The following LRCOL1 variants were observed in gnomAD, a reference collection of about 807,000 sequenced individuals.
The protein encoded by LRCOL1 is leucine rich colipase like 1.
A neutral mutation model predicts 21.6 loss-of-function variants in LRCOL1; 21 were observed. The observed-to-expected ratio is 0.97, with a 90% CI of 0.69 to 1.40. LRCOL1 has a LOEUF of 1.40. Among genes scored for constraint, LRCOL1 ranks in the 40% most tolerant of loss-of-function variants. The probability of loss-of-function intolerance (pLI) is 0.00; values close to 1 mark genes in which losing one functional copy is unlikely to be tolerated. For synonymous variants in LRCOL1, 98 were observed against 90.1 expected, an observed-to-expected ratio of 1.09 and a Z score of -0.49; for missense variants, 198 against 202.3, an observed-to-expected ratio of 0.98 and a Z score of 0.13.
intron 5 of LRCOL1, chr12:132,603,607 G>A (rs944061613): frequency 4.1e-6 from 4 of 984,326 alleles, no homozygotes; most frequent in Non-Finnish European, 4.8e-6. Context: ...TGCTCCCAGC[G>A]CCCACGAGGG....
chr12:132,607,922 T>A, intron 1 of LRCOL1, among the ~76,000 whole-genome samples: 1 of 150,704 alleles, frequency 6.6e-6, no homozygotes, highest in African/African-American at 2.5e-5. Context: ...TCCGTCTGTC[T>A]CTCTCTGTCT....
rs1318714010 is a variant in LRCOL1 at position 132,603,364 on chromosome 12, G to A, written c.*38C>T. On this transcript the variant is annotated 3_prime_UTR_variant, in exon 6 of 6. Transcript: ENST00000376608. ...CGCGGTCCTGCGTGAACATCCCAGG[G>A]CCCAGGCCGGTCCCTCGCGCCCAGG... 5.2e-6 allele frequency: 8 copies of A among 1,536,146 alleles called. No individual in the cohort carries two copies. The East Asian group carries it at 1.7e-4, about 33-fold the overall frequency.
At chr12:132,607,534 A>G (rs1437727477) in intron 1 of LRCOL1, among the ~76,000 whole-genome samples, 11 of 152,204 alleles carry the variant, frequency 7.2e-5, no homozygotes, top group Admixed American at 2.6e-4. Context: ...GTGAGACCAC[A>G]TATCACTCAG....
At chr12:132,603,470 G>A (rs1417430115) in intron 5 of LRCOL1, 66 bp from the exon 6 acceptor site, 2 of 1,535,834 alleles carry the variant, frequency 1.3e-6, no homozygotes, top group Non-Finnish European at 1.7e-6. Flanking sequence ...GCGGAAGGAG[G>A]ACGGGAACCC....
At position 132,606,052 on chromosome 12, in the gene LRCOL1, C is replaced by T. The variant is rs2041304273; in HGVS notation, c.105+95G>A. The T allele has an allele frequency of 9.4e-6, 11 of 1,176,308 alleles. No individual in the cohort carries two copies. Among genetic ancestry groups the T allele is most frequent in the African/African-American group, 3.0e-5 (2 of 65,640 alleles). The allele number at this position is 1,176,308 out of a possible 1,614,324, so 72.9% of individuals were successfully genotyped here. Reference sequence around the variant, plus strand: ...CCTCCTGACGGAAAGTGGCAGCCCTCGCGGGTGGGGACTGCAAGGGCCTCA... The same window carrying T: ...CCTCCTGACGGAAAGTGGCAGCCCTTGCGGGTGGGGACTGCAAGGGCCTCA... On this transcript the variant is annotated intron_variant, in intron 2 of 5. Coordinates refer to ENST00000376608, the MANE Select transcript of LRCOL1 (RefSeq NM_001195520.2). The surrounding 1 kb of genome is among the most constrained non-coding windows in gnomAD (Gnocchi z 4.6).
rs2041317105 is a variant in LRCOL1 at position 132,606,942 on chromosome 12, A to C, written c.-13-678T>G. On this transcript the variant is annotated intron_variant, in intron 1 of 5. Transcript: ENST00000376608. The surrounding 1 kb of genome is among the most constrained non-coding windows in gnomAD (Gnocchi z 4.6). ...AAACGTGAAAAATGGATTTTGAAGA[A>C]GACTTTTCCCAGCGGACAGTGGTTC... Among the ~76,000 whole-genome samples the C allele has an allele frequency of 6.6e-6, 1 of 151,970 alleles. No homozygotes were observed. Among genetic ancestry groups the C allele is most frequent in the Admixed American group, 6.6e-5 (1 of 15,242 alleles).
In LRCOL1 at chr12:132,604,798, A is replaced by T. The variant is rs1224477596; in HGVS notation, c.139T>A (p.Cys47Ser). 1 of 1,535,966 alleles carries T rather than the reference A, an allele frequency of 6.5e-7. No individual in the cohort carries two copies. Among genetic ancestry groups the T allele is most frequent in the South Asian group, 1.2e-5 (1 of 84,056 alleles). The change falls in exon 3 of 6, where the codon TGC becomes AGC. Residue 47 changes from cysteine (C) to serine (S), a missense_variant. Cys to Ser is a moderately radical substitution (Grantham distance 112). Coordinates refer to ENST00000376608, the MANE Select transcript of LRCOL1 (RefSeq NM_001195520.2). ...TTGATGGTACAGCAGTTGCTCTGGCACTCCTCGTGTCTCCTGCATGGCTCC... is the reference window on the plus strand; with the variant it reads ...TTGATGGTACAGCAGTTGCTCTGGCTCTCCTCGTGTCTCCTGCATGGCTCC... The part of the protein sequence containing the change: ...IGEPCRRHEE[C>S]QSNCCTINSL...
At position 132,604,475 on chromosome 12, in the gene LRCOL1, A is replaced by G; in HGVS notation, c.341T>C (p.Val114Ala). The G allele has an allele frequency of 6.5e-7, 1 of 1,535,756 alleles. No homozygotes were observed. Among genetic ancestry groups the G allele is most frequent in the South Asian group, 1.2e-5 (1 of 84,048 alleles). The change falls in exon 4 of 6, where the codon GTG becomes GCG. Residue 114 changes from valine to alanine, a missense_variant. Val to Ala is a moderately conservative substitution (Grantham distance 64). Transcript: ENST00000376608. ...CTPQSVFLQC[V>A]PWRKPNGDFC... is the part of the protein sequence containing the mutation. Reference sequence around the variant, plus strand: ...CCCGCAGCTCACCTTGCGCCAGGGCACACACTGCAGGAAGACGCTTTGGGG... The same window carrying G: ...CCCGCAGCTCACCTTGCGCCAGGGCGCACACTGCAGGAAGACGCTTTGGGG...
Position 132,604,269 on chromosome 12 carries a change from G to T in LRCOL1, c.462C>A (p.Ala154=), listed in dbSNP as rs1446277463. ...CGGGACTTACCAGGGGCAGGCACTGGGCCAGGATCCCGGTCCGGGGAATGC... is the reference window on the plus strand; with the variant it reads ...CGGGACTTACCAGGGGCAGGCACTGTGCCAGGATCCCGGTCCGGGGAATGC... ...FRCIPRTGIL[A]QCLPL is the part of the protein sequence containing the mutation. The change falls in exon 5 of 6, where the codon GCC becomes GCA. Residue 154 remains alanine, a synonymous_variant. Coordinates refer to ENST00000376608, the MANE Select transcript of LRCOL1 (RefSeq NM_001195520.2). 1.3e-6 allele frequency: 2 copies of T among 1,534,896 alleles called. No homozygotes were observed. Among genetic ancestry groups the T allele is most frequent in the South Asian group, 2.4e-5 (2 of 83,950 alleles).
intron 5 of LRCOL1, 180 bp downstream of exon 5, chr12:132,604,074 T>C: frequency 7.0e-7 from 1 of 1,420,036 alleles, no homozygotes; most frequent in Non-Finnish European, 9.2e-7. Context: ...AGGAGCCTTC[T>C]CTGCGGCCCC....
At chr12:132,608,286 A>G (rs924038938) in intron 1 of LRCOL1, among the ~76,000 whole-genome samples, 2 of 152,150 alleles carry the variant, frequency 1.3e-5, no homozygotes, top group Non-Finnish European at 2.9e-5. Context: ...CCACGTGATC[A>G]GTCCCCGCAC....
At chr12:132,603,759 G>A (rs186018169) in intron 5 of LRCOL1, 5 of 985,436 alleles carry the variant, frequency 5.1e-6, no homozygotes, top group Non-Finnish European at 6.0e-6. Flanking sequence ...CGTTTGCGCC[G>A]CTGGCGACCT....
Position 132,603,299 on chromosome 12 carries a change from AC to A in LRCOL1, c.*102del, listed in dbSNP as rs1301513750. On this transcript the variant is annotated 3_prime_UTR_variant, in exon 6 of 6. Coordinates refer to ENST00000376608, the MANE Select transcript of LRCOL1 (RefSeq NM_001195520.2). ...CAGAGCCCCAGAAACAGCAGCACAA[AC>A]CGTAAGGGAAGCTTCCGCTGGAACC... The A allele has an allele frequency of 9.4e-6, 14 of 1,493,240 alleles. No individual in the cohort carries two copies. Among genetic ancestry groups the A allele is most frequent in the African/African-American group, 4.2e-5 (3 of 71,952 alleles). 92.5% of individuals were successfully genotyped at this position (1,493,240 alleles called of 1,614,324 possible).
intron 2 of LRCOL1, chr12:132,605,210 A>G (rs1163072433): frequency 1.2e-6 from 1 of 867,698 alleles, no homozygotes; most frequent in Admixed American, 6.2e-5. Flanking sequence ...AGGTGAGCTG[A>G]GAGCCAGGCC....
At chr12:132,605,589 C>CAAAAAT (rs2041296184) in intron 2 of LRCOL1, among the ~76,000 whole-genome samples, 1 of 151,902 alleles carries the variant, frequency 6.6e-6, no homozygotes, top group African/African-American at 2.4e-5. Flanking sequence ...TTTAGCCAGG[C>CAAAAAT]GTGGTGGCGC....
Position 132,604,229 on chromosome 12 carries a change from G to A in LRCOL1, c.477+25C>T, listed in dbSNP as rs774109310. On this transcript the variant is annotated intron_variant, in intron 5 of 5. Coordinates refer to ENST00000376608, the MANE Select transcript of LRCOL1 (RefSeq NM_001195520.2). ...TGTGGCGGCCAAGGGAGGGCCTGGA[G>A]GCTGAGCCCCCGCCCGGGACTTACC... 2.1e-4 allele frequency: 326 copies of A among 1,517,846 alleles called. 3 individuals carry two copies. The highest frequency in any genetic ancestry group is 5.6e-4 in the Middle Eastern group (3 of 5,378). 94.0% of individuals were successfully genotyped at this position (1,517,846 alleles called of 1,614,324 possible). A position where few individuals can be genotyped will look rare whatever the true frequency, so the allele number is the denominator to read the frequency against.
chr12:132,604,104 T>C, intron 5 of LRCOL1, 150 bp downstream of exon 5: 5 of 1,430,044 alleles, frequency 3.5e-6, no homozygotes, highest in Non-Finnish European at 4.6e-6. Flanking sequence ...AGATGGGCGG[T>C]GAAGCGCCGG....
At chr12:132,609,462 G>T (rs1030463027) in intron 1 of LRCOL1, among the ~76,000 whole-genome samples, 1 of 152,218 alleles carries the variant, frequency 6.6e-6, no homozygotes, top group African/African-American at 2.4e-5. Context: ...ACTTTGGGAG[G>T]CCAAGGTGGG....
chr12:132,604,555 T>G lies in LRCOL1; in HGVS notation c.261A>C (p.Ser87=). ...KPNGYRCSHD[S]ECQSSCCVRN... is the part of the protein sequence containing the mutation. The stretch of plus-strand genomic sequence containing the variant: ...GGACGCAGCAGCTGCTCTGGCACTC[T>G]GAGTCGTGCGAGCATCTGTACCCAT... Residue 87 remains serine, a synonymous_variant, in exon 4 of 6, where the codon TCA becomes TCC. Transcript: ENST00000376608. 1 of 1,535,956 alleles carries G rather than the reference T, an allele frequency of 6.5e-7. No homozygotes were observed. The highest frequency in any genetic ancestry group is 2.4e-5 in the East Asian group (1 of 40,894).
Sources: allele counts gnomAD v4.1 joint callset (sites outside exome capture counted in the v4.1 genomes callset), GRCh38; gene constraint gnomAD v4.1.1; non-coding constraint Gnocchi (gnomAD v3.1); transcripts MANE v1.5; gene names NCBI Gene and HGNC (gene_info 2026-07-23, HGNC 2026-07-21).